Variants in DLC1 observed in about 807,000 individuals in gnomAD.
DLC1 encodes rho GTPase-activating protein 7.
Under a neutral mutation model 140.3 loss-of-function variants are expected in DLC1, and 54 were observed. The ratio of observed to expected loss-of-function variants is 0.38; its 90% confidence interval spans 0.31 to 0.48. The LOEUF (loss-of-function observed/expected upper bound fraction) is 0.48. Ranked by LOEUF, DLC1 falls within the 20% of genes least tolerant of loss-of-function variation. The pLI is 0.96. For synonymous variants in DLC1, 986 were observed against 728.1 expected (o/e 1.35, Z -5.70); for missense variants, 2,536 against 1,907.0 (o/e 1.33, Z -6.14).
chr8:13,349,869 A>G (rs572036699), intron 4 of DLC1, among the ~76,000 whole-genome samples: 8 of 152,278 alleles, frequency 5.3e-5, no homozygotes, highest in South Asian at 2.1e-4. Flanking sequence ...TTTAGATATT[A>G]TGGGTTTGGA....
chr8:13,199,068 A>G (rs1827228527), intron 5 of DLC1, among the ~76,000 whole-genome samples: 1 of 152,010 alleles, frequency 6.6e-6, no homozygotes, highest in Non-Finnish European at 1.5e-5. Flanking sequence ...TGTAATAGCA[A>G]CTTACAGCTT....
In DLC1 at chr8:13,219,381, T is replaced by TC. The variant is rs1554473512; in HGVS notation, c.1348+85887_1348+85888insG. Among the ~76,000 whole-genome samples the TC allele has an allele frequency of 1.3e-3, 167 of 126,918 alleles. 1 individual carries two copies. The highest frequency in any genetic ancestry group is 1.3e-3 in the Non-Finnish European group (76 of 60,586). 83.3% of individuals were successfully genotyped at this position (126,918 alleles called of 152,430 possible). A position where few individuals can be genotyped will look rare whatever the true frequency, so the allele number is the denominator to read the frequency against. On this transcript the variant is annotated intron_variant, in intron 5 of 17. Transcript: ENST00000276297. ...TATATAATTCATATACTTATATAAT[T>TC]ATATTTCATATAATTATACTTATAT... is the stretch of plus-strand genomic sequence containing the variant.
At chr8:13,255,457 G>C (rs1346761666) in intron 5 of DLC1, among the ~76,000 whole-genome samples, 1 of 152,134 alleles carries the variant, frequency 6.6e-6, no homozygotes, top group Admixed American at 6.5e-5. Flanking sequence ...GCCCATCTCT[G>C]TATCCTCATA....
At chr8:13,427,588 A>C (rs1415199625) in intron 2 of DLC1, among the ~76,000 whole-genome samples, 1 of 152,042 alleles carries the variant, frequency 6.6e-6, no homozygotes. Flanking sequence ...CTACCTCGAA[A>C]TATTTGATTC....
chr8:13,089,735 G>C (rs1817884942), intron 15 of DLC1, among the ~76,000 whole-genome samples: 1 of 152,224 alleles, frequency 6.6e-6, no homozygotes, highest in South Asian at 2.1e-4. Context: ...AGATGGTAGA[G>C]GCGGCATCAA....
chr8:13,155,569 T>C (rs1824194522), intron 5 of DLC1, among the ~76,000 whole-genome samples: 1 of 152,138 alleles, frequency 6.6e-6, no homozygotes, highest in Non-Finnish European at 1.5e-5. Flanking sequence ...TGCTTTTAGT[T>C]AAATAAAACT....
chr8:13,359,052 C>A (rs1167380623), intron 4 of DLC1, among the ~76,000 whole-genome samples: 1 of 152,166 alleles, frequency 6.6e-6, no homozygotes, highest in South Asian at 2.1e-4. Flanking sequence ...CATTCTCCTG[C>A]CTCAGCCTCC....
At chr8:13,203,395 C>T (rs1481539641) in intron 5 of DLC1, among the ~76,000 whole-genome samples, 8 of 152,178 alleles carry the variant, frequency 5.3e-5, no homozygotes, top group East Asian at 1.9e-4. Flanking sequence ...GGAAATAAGA[C>T]GTAACAGGAA....
Position 13,133,387 on chromosome 8 carries a change from G to C in DLC1, c.1349-17730C>G, listed in dbSNP as rs933565964. On this transcript the variant is annotated intron_variant, in intron 5 of 17. Coordinates refer to ENST00000276297, the MANE Select transcript of DLC1 (RefSeq NM_182643.3). Reference sequence around the variant, plus strand: ...GCACCGCCTCCTCCCCGCTGTCTGGGTCGCAGGCCTTAGCGACGGGCTGTT... The same window carrying C: ...GCACCGCCTCCTCCCCGCTGTCTGGCTCGCAGGCCTTAGCGACGGGCTGTT... The C allele has an allele frequency of 8.9e-6, 8 of 901,462 alleles. No individual in the cohort carries two copies. The African/African-American group carries it at 1.5e-4, about 16-fold the overall frequency. 55.8% of individuals were successfully genotyped at this position (901,462 alleles called of 1,614,324 possible). A position where few individuals can be genotyped will look rare whatever the true frequency, so the allele number is the denominator to read the frequency against.
chr8:13,450,318 G>A (rs1277762941), intron 2 of DLC1, among the ~76,000 whole-genome samples: 1 of 151,666 alleles, frequency 6.6e-6, no homozygotes, highest in African/African-American at 2.4e-5. Flanking sequence ...AGCTGGGCAT[G>A]GTGGCGGGTG....
chr8:13,134,764 G>T (rs1244749687), intron 5 of DLC1, among the ~76,000 whole-genome samples: 1 of 152,006 alleles, frequency 6.6e-6, no homozygotes, highest in Non-Finnish European at 1.5e-5. Context: ...CTTGAGACCA[G>T]GGTTGGCAAT....
intron 2 of DLC1, among the ~76,000 whole-genome samples, chr8:13,489,172 C>G (rs1266393307): frequency 1.3e-5 from 2 of 151,986 alleles, no homozygotes; most frequent in Non-Finnish European, 2.9e-5. Flanking sequence ...GTGTCGAACT[C>G]CTGACATCAG....
At chr8:13,334,949 T>C (rs1405860372) in intron 4 of DLC1, among the ~76,000 whole-genome samples, 1 of 152,202 alleles carries the variant, frequency 6.6e-6, no homozygotes, top group Non-Finnish European at 1.5e-5. Context: ...ATTGTGACTG[T>C]TAAGGCTGTA....
intron 2 of DLC1, among the ~76,000 whole-genome samples, chr8:13,464,888 C>T (rs1056117966): frequency 2.6e-5 from 4 of 151,316 alleles, no homozygotes; most frequent in East Asian, 3.9e-4. Flanking sequence ...ACATTACCAC[C>T]ACTACTACTA....
intron 10 of DLC1, among the ~76,000 whole-genome samples, chr8:13,097,485 A>G (rs182526507): frequency 8.5e-5 from 13 of 152,204 alleles, no homozygotes; most frequent in Non-Finnish European, 1.5e-4. Context: ...GCTGGTCTCA[A>G]ACTCCTGGCG....
At chr8:13,494,475 T>C (rs10103243) in intron 2 of DLC1, among the ~76,000 whole-genome samples, 3,587 of 152,212 alleles carry the variant, frequency 0.024, 158 homozygotes, top group African/African-American at 0.082. Context: ...TCCCACTGAC[T>C]TGAATGTAGA....
At chr8:13,567,989 C>T in intron 1 of DLC1, 3 of 1,480,522 alleles carry the variant, frequency 2.0e-6, no homozygotes, top group Non-Finnish European at 2.7e-6. Flanking sequence ...TGAGTAATTA[C>T]CATAATTTCT....
chr8:13,410,382 C>A (rs11203484), intron 2 of DLC1, among the ~76,000 whole-genome samples: 15,001 of 151,982 alleles, frequency 0.099, 962 homozygotes, highest in Middle Eastern at 0.19. Context: ...CTGCCCAATG[C>A]AACAGAAACA....
chr8:13,457,820 G>C (rs1052036868), intron 2 of DLC1, among the ~76,000 whole-genome samples: 9 of 151,746 alleles, frequency 5.9e-5, no homozygotes, highest in Middle Eastern at 3.5e-3. Flanking sequence ...TCAAATTTTT[G>C]CTTGCGTAGA....
Sources: allele counts gnomAD v4.1 joint callset (sites outside exome capture counted in the v4.1 genomes callset), GRCh38; gene constraint gnomAD v4.1.1; transcripts MANE v1.5; gene names NCBI Gene and HGNC (gene_info 2026-07-23, HGNC 2026-07-21).